The following DHX58 variants were observed in gnomAD, a reference collection of about 807,000 sequenced individuals.
DHX58 encodes the protein ATP-dependent RNA helicase DHX58.
In DHX58, 51 loss-of-function variants were observed where a neutral mutation model predicts 65.0. The observed-to-expected ratio is 0.78, with a 90% CI of 0.63 to 0.99. The LOEUF is 0.99. DHX58 is among the 50% of genes least tolerant of loss of function. The pLI is 0.00. For missense variants in DHX58, 773 were observed against 891.8 expected (o/e 0.87, Z 1.70); for synonymous variants, 350 against 365.0 (o/e 0.96, Z 0.47).
At chr17:42,109,620 G>C (rs770331749) in intron 5 of DHX58, among the ~76,000 whole-genome samples, 63 of 152,232 alleles carry the variant, frequency 4.1e-4, no homozygotes, top group Non-Finnish European at 7.9e-4. Context: ...AACCGGCCAG[G>C]CATGGTGGCT....
At position 42,107,761 on chromosome 17, in the gene DHX58, A is replaced by G; in HGVS notation, c.840T>C (p.Tyr280=). The G allele has an allele frequency of 6.3e-7, 1 of 1,595,032 alleles. No individual in the cohort carries two copies. The part of the protein sequence containing the change: ...ALAGLQEQRV[Y]ALHLRRYNDA... ...CATTGTAGCGCCTCAGGTGAAGCGC[A>G]TACACCCGTTGCTCCTGAAGCCCAG... Residue 280 remains tyrosine, a synonymous_variant, in exon 8 of 14, where the codon TAT becomes TAC. Coordinates refer to ENST00000251642, the MANE Select transcript of DHX58 (RefSeq NM_024119.3).
At position 42,110,912 on chromosome 17, in the gene DHX58, G is replaced by T; in HGVS notation, c.372C>A (p.Val124=). The part of the protein sequence containing the change: ...PEEEEHVELT[V]FSLIVVDECH... ...ACTCATCCACCACGATCAGGGAGAA[G>T]ACTGAGGGCACAGGGGGGAAGGCTG... Residue 124 remains valine, a splice_region_variant and synonymous_variant, in exon 5 of 14, where the codon GTC becomes GTA. Transcript: ENST00000251642. The T allele has an allele frequency of 1.1e-5, 18 of 1,602,902 alleles. No individual in the cohort carries two copies. Among genetic ancestry groups the T allele is most frequent in the Non-Finnish European group, 1.4e-5 (17 of 1,173,122 alleles).
At chr17:42,111,235 G>A (rs2144014185) in intron 4 of DHX58, 61 bp downstream of exon 4, 1 of 1,569,328 alleles carries the variant, frequency 6.4e-7, no homozygotes, top group East Asian at 2.3e-5. Context: ...GAGGTGCCCT[G>A]GGGTTGGCGA....
chr17:42,111,943 C>T, intron 2 of DHX58, 50 bp from the exon 3 acceptor site: 1 of 1,567,728 alleles, frequency 6.4e-7, no homozygotes, highest in Non-Finnish European at 8.7e-7. Context: ...CCCCTCCCAA[C>T]TCCTGGCCAG....
intron 9 of DHX58, 54 bp downstream of exon 9, chr17:42,105,682 C>T (rs1332216934): frequency 2.0e-6 from 3 of 1,512,866 alleles, no homozygotes; most frequent in African/African-American, 2.8e-5. Context: ...GTTCCCCGCA[C>T]TTCTCTCCTA....
In DHX58 at chr17:42,110,973, T is replaced by C. The variant is rs561036665; in HGVS notation, c.371-60A>G. 35 of 1,505,938 alleles carry C rather than the reference T, an allele frequency of 2.3e-5. No individual in the cohort carries two copies. In the African/African-American group the frequency reaches 4.4e-4, roughly 19 times the overall value. 93.3% of individuals were successfully genotyped at this position (1,505,938 alleles called of 1,614,324 possible). On this transcript the variant is annotated intron_variant, in intron 4 of 13. Transcript: ENST00000251642. ...TTGCAAAGCCCTTCCTCCCATCAGC[T>C]TTCAAGTAGTCCCCACAATGATGTA...
Position 42,102,246 on chromosome 17 carries a change from C to T in DHX58, c.1821G>A (p.Gly607=). ...CACAGTTCCTGCAGCTGATGACACCCCCAGGCTTCCAGTCCTTGAAGACTT... is the reference window on the plus strand; with the variant it reads ...CACAGTTCCTGCAGCTGATGACACCTCCAGGCTTCCAGTCCTTGAAGACTT... ...INKVFKDWKP[G]GVISCRNCGE... is the part of the protein sequence containing the mutation. The change falls in exon 13 of 14, where the codon GGG becomes GGA. Residue 607 remains glycine (G), a synonymous_variant. Transcript: ENST00000251642. The T allele has an allele frequency of 6.2e-7, 1 of 1,614,188 alleles. No individual in the cohort carries two copies.
rs2074154 is a variant in DHX58, at chr17:42,107,962, A to T, written c.805+20T>A. The T allele has an allele frequency of 0.21, 336,683 of 1,612,282 alleles. 49,203 individuals are homozygous for T. Among genetic ancestry groups the T allele is most frequent in the African/African-American group, 0.78 (58,716 of 74,850 alleles). The stretch of plus-strand genomic sequence containing the variant: ...CCACTCCCACATCCTCGCCTCCGCC[A>T]GAAGGGCTGCCCCTCTCACCAGCCT... On this transcript the variant is annotated intron_variant, in intron 7 of 13. Transcript: ENST00000251642.
At chr17:42,109,012 T>G (rs782305973) in intron 6 of DHX58, among the ~76,000 whole-genome samples, 5 of 152,268 alleles carry the variant, frequency 3.3e-5, no homozygotes, top group Admixed American at 3.3e-4. Context: ...AAAGTATCCC[T>G]GCTCTCTGGT....
intron 5 of DHX58, among the ~76,000 whole-genome samples, 194 bp downstream of exon 5, chr17:42,110,529 A>C (rs2054132805): frequency 1.3e-5 from 2 of 152,244 alleles, no homozygotes; most frequent in Non-Finnish European, 2.9e-5. Flanking sequence ...TTTGTAAACC[A>C]CAGTAGAGTC....
At chr17:42,111,570 C>T (rs1045358186) in intron 3 of DHX58, 73 bp from the exon 4 acceptor site, 8 of 1,595,274 alleles carry the variant, frequency 5.0e-6, no homozygotes, top group African/African-American at 2.7e-5. Flanking sequence ...TAAGGTGACC[C>T]GCAGGACATG....
rs1568000654 is a variant in DHX58, at chr17:42,101,799, GC to G, written c.1998del (p.Gln666HisfsTer74). ...AGGTCCGACAAGTTCTCGGCACAAT[GC>G]TGCAGGAAGTCAAAGTCAGGCACGG... is the stretch of plus-strand genomic sequence containing the variant. Reference protein sequence around the residue: ...PFSVPDFDFLQHCAENLSDLS... With the variant: ...PFSVPDFDFLXHCAENLSDLS... On this transcript the variant is annotated frameshift_variant, in exon 14 of 14. Coordinates refer to ENST00000251642, the MANE Select transcript of DHX58 (RefSeq NM_024119.3). LOFTEE classifies it high-confidence loss of function. 1.7e-5 allele frequency: 27 copies of G among 1,614,240 alleles called. No homozygotes were observed. The highest frequency in any genetic ancestry group is 2.3e-5 in the Non-Finnish European group (27 of 1,180,040).
intron 5 of DHX58, among the ~76,000 whole-genome samples, chr17:42,109,956 G>T (rs1598220613): frequency 6.6e-6 from 1 of 151,704 alleles, no homozygotes; most frequent in South Asian, 2.1e-4. Flanking sequence ...GGGAGGCCAA[G>T]GCAGGTGAAT....
chr17:42,102,327 G>A lies in DHX58; in HGVS notation c.1755-15C>T. ...TATAGTAGTTCCTGGAGAGGAAGGG[G>A]GGTGGCCACAGCCCTCATTGACCCT... On this transcript the variant is annotated splice_polypyrimidine_tract_variant and intron_variant, in intron 12 of 13. Transcript: ENST00000251642. The A allele has an allele frequency of 6.2e-7, 1 of 1,608,398 alleles. No homozygotes were observed. The highest frequency in any genetic ancestry group is 8.5e-7 in the Non-Finnish European group (1 of 1,174,868).
intron 7 of DHX58, 47 bp from the exon 8 acceptor site, chr17:42,107,842 C>A (rs372887436): frequency 6.5e-7 from 1 of 1,534,644 alleles, no homozygotes; most frequent in South Asian, 1.2e-5. Context: ...GCCCCGCCCC[C>A]TGCCCTGCCC....
rs963704796 is a variant in DHX58, at chr17:42,111,813, C to G, written c.80G>C (p.Gly27Ala). ...GKNIIIWLPT[G>A]AGKTRAAAYV... ...AGCAGCCGCCCGGGTCTTCCCGGCACCCGTGGGCAGCCAGATGATGATATT... is the reference window on the plus strand; with the variant it reads ...AGCAGCCGCCCGGGTCTTCCCGGCAGCCGTGGGCAGCCAGATGATGATATT... The change falls in exon 3 of 14, where the codon GGT becomes GCT. Residue 27 changes from glycine (G) to alanine (A), a missense_variant. Physicochemically the swap from Gly to Ala is moderately conservative, Grantham distance 60. Coordinates refer to ENST00000251642, the MANE Select transcript of DHX58 (RefSeq NM_024119.3). The G allele has an allele frequency of 1.9e-6, 3 of 1,614,116 alleles. No homozygotes were observed. Among genetic ancestry groups the G allele is most frequent in the Non-Finnish European group, 2.5e-6 (3 of 1,179,980 alleles).
In DHX58 at chr17:42,101,724, C is replaced by A; in HGVS notation, c.*37G>T. ...GAGTCTGCTGCAGACTCTCCCGCCC[C>A]CTACAGCCCAAACCGGGCACTGCAG... is the stretch of plus-strand genomic sequence containing the variant. On this transcript the variant is annotated 3_prime_UTR_variant, in exon 14 of 14. Coordinates refer to ENST00000251642, the MANE Select transcript of DHX58 (RefSeq NM_024119.3). 6.2e-7 allele frequency: 1 copy of A among 1,604,694 alleles called. No individual in the cohort carries two copies. Among genetic ancestry groups the A allele is most frequent in the Non-Finnish European group, 8.5e-7 (1 of 1,173,580 alleles).
chr17:42,103,492 G>T, intron 12 of DHX58, 116 bp downstream of exon 12: 1 of 1,308,216 alleles, frequency 7.6e-7, no homozygotes, highest in Non-Finnish European at 1.1e-6. Context: ...CCAGATTATT[G>T]TGAAAATGCA....
intron 9 of DHX58, 31 bp downstream of exon 9, chr17:42,105,705 C>T: frequency 6.5e-7 from 1 of 1,527,730 alleles, no homozygotes; most frequent in South Asian, 1.3e-5. Flanking sequence ...GAATCCCTCC[C>T]AGCGCCAGCA....
Sources: allele counts gnomAD v4.1 joint callset (sites outside exome capture counted in the v4.1 genomes callset), GRCh38; gene constraint gnomAD v4.1.1; transcripts MANE v1.5; gene names NCBI Gene and HGNC (gene_info 2026-07-23, HGNC 2026-07-21).